Variants in SUCLG2 observed in about 807,000 individuals in gnomAD.
SUCLG2 encodes the protein succinate-CoA ligase GDP-forming subunit beta.
In SUCLG2, 42 loss-of-function variants were observed where a neutral mutation model predicts 47.9. That is an observed-to-expected ratio of 0.88 (90% CI 0.69 to 1.14). SUCLG2 has a LOEUF of 1.14. SUCLG2 is among the 50% of genes most tolerant of loss of function. The probability of loss-of-function intolerance (pLI) is 0.00; values close to 1 mark genes in which losing one functional copy is unlikely to be tolerated. For synonymous variants in SUCLG2, 195 were observed against 197.3 expected (o/e 0.99, Z 0.10); for missense variants, 571 against 525.9 (o/e 1.09, Z -0.84).
At chr3:67,523,107 A>T (rs980977351) in intron 4 of SUCLG2, among the ~76,000 whole-genome samples, 1 of 152,178 alleles carries the variant, frequency 6.6e-6, no homozygotes, top group African/African-American at 2.4e-5. Context: ...TTTTACAAGT[A>T]GTTTAGTGAT....
At chr3:67,457,684 CTTTTTTTTTTTTT>C (rs71109889) in intron 9 of SUCLG2, among the ~76,000 whole-genome samples, 1 of 65,510 alleles carries the variant, frequency 1.5e-5, no homozygotes, top group African/African-American at 7.6e-5. Flanking sequence ...ACAAAAGCAG[CTTTTTTTTTTTTT>C]TTTTTTTTTT....
chr3:67,603,470 C>T (rs1029295764), intron 2 of SUCLG2, among the ~76,000 whole-genome samples: 10 of 152,192 alleles, frequency 6.6e-5, no homozygotes, highest in African/African-American at 1.9e-4. Flanking sequence ...ATCATATTGA[C>T]GAATGGAAAC....
At chr3:67,415,867 A>G (rs1442377700) in intron 9 of SUCLG2, among the ~76,000 whole-genome samples, 1 of 152,212 alleles carries the variant, frequency 6.6e-6, no homozygotes, top group Non-Finnish European at 1.5e-5. Flanking sequence ...TATGGTACAC[A>G]TGACAGTGTG....
intron 2 of SUCLG2, among the ~76,000 whole-genome samples, chr3:67,597,251 A>G (rs185837647): frequency 5.3e-5 from 8 of 152,244 alleles, no homozygotes; most frequent in Admixed American, 4.6e-4. Flanking sequence ...ACTTCCCACC[A>G]TTGCCCACAG....
chr3:67,470,506 C>G (rs1704579216), intron 9 of SUCLG2, among the ~76,000 whole-genome samples: 1 of 152,180 alleles, frequency 6.6e-6, no homozygotes, highest in Admixed American at 6.5e-5. Context: ...GTGATTAGGT[C>G]ATGAGGGCAT....
At chr3:67,526,575 T>C (rs1349113304) in intron 4 of SUCLG2, among the ~76,000 whole-genome samples, 1 of 152,176 alleles carries the variant, frequency 6.6e-6, no homozygotes, top group Non-Finnish European at 1.5e-5. Context: ...AATCTACAGA[T>C]GGCAAATAAG....
chr3:67,569,761 G>A (rs1707560073), intron 2 of SUCLG2, among the ~76,000 whole-genome samples: 1 of 152,168 alleles, frequency 6.6e-6, no homozygotes, highest in African/African-American at 2.4e-5. Flanking sequence ...TCTCATCCAT[G>A]GCTGATTTAG....
intron 1 of SUCLG2, among the ~76,000 whole-genome samples, chr3:67,641,937 C>A (rs920145132): frequency 8.5e-5 from 13 of 152,200 alleles, no homozygotes; most frequent in Non-Finnish European, 1.9e-4. Flanking sequence ...CTACTTTCAT[C>A]TTCACATGGC....
At chr3:67,507,868 C>T (rs558456217) in intron 7 of SUCLG2, among the ~76,000 whole-genome samples, 42 of 152,362 alleles carry the variant, frequency 2.8e-4, no homozygotes, top group Middle Eastern at 3.4e-3. Flanking sequence ...ATGGTGCTTA[C>T]AGTCTGGTAT....
chr3:67,541,001 T>G (rs987060207), intron 2 of SUCLG2, among the ~76,000 whole-genome samples: 1 of 152,268 alleles, frequency 6.6e-6, no homozygotes, highest in South Asian at 2.1e-4. Context: ...CAGAAAGGAA[T>G]AGTATAAACA....
intron 9 of SUCLG2, among the ~76,000 whole-genome samples, chr3:67,473,493 T>C (rs566963317): frequency 1.3e-5 from 2 of 152,320 alleles, no homozygotes; most frequent in South Asian, 4.1e-4. Flanking sequence ...AGAATGAGTA[T>C]TAAAAGGTGT....
intron 2 of SUCLG2, among the ~76,000 whole-genome samples, chr3:67,557,510 G>C (rs1016224404): frequency 6.6e-6 from 1 of 152,078 alleles, no homozygotes; most frequent in African/African-American, 2.4e-5. Flanking sequence ...CAAATTATTT[G>C]TTCACTATTT....
rs994328252 is a variant in SUCLG2, at chr3:67,375,563, A to C, written c.*181T>G. On this transcript the variant is annotated 3_prime_UTR_variant, in exon 11 of 11. Transcript: ENST00000307227. Reference sequence around the variant, plus strand: ...AGATATTATTTTTATAAAGACCAAAATCAGATTTAGGCTGTCTAGATATCT... The same window carrying C: ...AGATATTATTTTTATAAAGACCAAACTCAGATTTAGGCTGTCTAGATATCT... The C allele has an allele frequency of 2.9e-6, 4 of 1,391,970 alleles. No individual in the cohort carries two copies. Among genetic ancestry groups the C allele is most frequent in the Admixed American group, 3.0e-5 (1 of 32,814 alleles). The allele number at this position is 1,391,970 out of a possible 1,614,324, so 86.2% of individuals were successfully genotyped here.
Position 67,609,540 on chromosome 3 carries a change from T to C in SUCLG2, c.141A>G (p.Lys47=), listed in dbSNP as rs1700490680. Residue 47 remains lysine (K), a synonymous_variant, in exon 2 of 11, where the codon AAA becomes AAG. Transcript: ENST00000307227. ...CTCTCACTCCGTTGTCAGACATCAGTTTCTTGCTCTGGTATTCCTGCAGGT... is the reference window on the plus strand; with the variant it reads ...CTCTCACTCCGTTGTCAGACATCAGCTTCTTGCTCTGGTATTCCTGCAGGT... ...WLNLQEYQSK[K]LMSDNGVRVQ... 4 of 1,613,816 alleles carry C rather than the reference T, an allele frequency of 2.5e-6. No homozygotes were observed. In the East Asian group the frequency reaches 6.7e-5, roughly 27 times the overall value.
At chr3:67,610,994 T>C (rs960240499) in intron 1 of SUCLG2, among the ~76,000 whole-genome samples, 2 of 152,178 alleles carry the variant, frequency 1.3e-5, no homozygotes, top group Admixed American at 6.5e-5. Flanking sequence ...GCTTGACATA[T>C]GAAAGACACC....
At position 67,600,168 on chromosome 3, in the gene SUCLG2, T is replaced by C. The variant is rs180873428; in HGVS notation, c.226+9287A>G. 1.0e-3 allele frequency among the ~76,000 whole-genome samples: 157 copies of C among 152,360 alleles called. 1 individual carries two copies. Among genetic ancestry groups the C allele is most frequent in the Non-Finnish European group, 1.4e-3 (97 of 68,040 alleles). ...TATCAACCAACAGTACACAAGTCATTATATATTCATTATCAAGTTATCTGA... is the reference window on the plus strand; with the variant it reads ...TATCAACCAACAGTACACAAGTCATCATATATTCATTATCAAGTTATCTGA... On this transcript the variant is annotated intron_variant, in intron 2 of 10. Transcript: ENST00000307227.
At chr3:67,650,918 T>C (rs1437661241) in intron 1 of SUCLG2, among the ~76,000 whole-genome samples, 1 of 152,136 alleles carries the variant, frequency 6.6e-6, no homozygotes, top group Non-Finnish European at 1.5e-5. Context: ...CAGCCAACAT[T>C]TCCCCTAAGA....
chr3:67,566,186 G>A (rs996505259), intron 2 of SUCLG2, among the ~76,000 whole-genome samples: 4 of 152,198 alleles, frequency 2.6e-5, no homozygotes, highest in African/African-American at 4.8e-5. Context: ...CGAATACGGT[G>A]AACATTCTAG....
At chr3:67,631,514 C>A (rs2107352318) in intron 1 of SUCLG2, among the ~76,000 whole-genome samples, 1 of 152,234 alleles carries the variant, frequency 6.6e-6, no homozygotes, top group South Asian at 2.1e-4. Context: ...GTAATCCCAG[C>A]TACTCGGGAG....
Sources: allele counts gnomAD v4.1 joint callset (sites outside exome capture counted in the v4.1 genomes callset), GRCh38; gene constraint gnomAD v4.1.1; transcripts MANE v1.5; gene names NCBI Gene and HGNC (gene_info 2026-07-23, HGNC 2026-07-21).